Variants in CEP97 observed in about 807,000 individuals in gnomAD.
CEP97 encodes the protein centrosomal protein of 97 kDa.
CEP97 carries 43 observed loss-of-function variants against 73.1 expected under a neutral mutation model. The observed-to-expected ratio is 0.59, with a 90% CI of 0.46 to 0.76. The LOEUF is 0.76. CEP97 is among the 30% of genes least tolerant of loss of function. CEP97 has a pLI of 0.00. For missense variants in CEP97, 939 were observed against 1,014.0 expected (o/e 0.93, Z 1.00); for synonymous variants, 337 against 370.0 (o/e 0.91, Z 1.02).
In CEP97 at chr3:101,724,618, T is replaced by C. The variant is rs1168005964; in HGVS notation, c.-59T>C. 1.9e-6 allele frequency: 3 copies of C among 1,603,404 alleles called. No homozygotes were observed. The highest frequency in any genetic ancestry group is 2.6e-6 in the Non-Finnish European group (3 of 1,170,548). ...TAGTTTCCGGCTCCCTCCTTCAGATTACAAGCTCCACAGAGCCGCGGGAGG... is the reference window on the plus strand; with the variant it reads ...TAGTTTCCGGCTCCCTCCTTCAGATCACAAGCTCCACAGAGCCGCGGGAGG... On this transcript the variant is annotated 5_prime_UTR_variant, in exon 1 of 11. Transcript: ENST00000341893.
chr3:101,762,413 T>C, intron 9 of CEP97, 72 bp from the exon 10 acceptor site: 3 of 849,802 alleles, frequency 3.5e-6, no homozygotes, highest in East Asian at 2.6e-5. Flanking sequence ...TGCATGTGTT[T>C]ATGAGTTGTA....
intron 10 of CEP97, 117 bp from the exon 11 acceptor site, chr3:101,764,730 C>A: frequency 1.2e-6 from 1 of 823,890 alleles, no homozygotes; most frequent in Non-Finnish European, 1.8e-6. Context: ...CTGCAGTGAG[C>A]CATGATTGTG....
rs1398776282 is a variant in CEP97 at position 101,767,243 on chromosome 3, A to C, written c.*1692A>C. The C allele has an allele frequency of 2.0e-5, 3 of 152,232 alleles. No homozygotes were observed. Among genetic ancestry groups the C allele is most frequent in the African/African-American group, 7.2e-5 (3 of 41,458 alleles). The allele number at this position is 152,232 out of a possible 1,614,324, so 9.4% of individuals were successfully genotyped here. The stretch of plus-strand genomic sequence containing the variant: ...AAAGGAAATATTTTCTGTTTCTTAT[A>C]AATAAAAGAGTAATCTTACTTTCAG... On this transcript the variant is annotated 3_prime_UTR_variant, in exon 11 of 11. Transcript: ENST00000341893.
chr3:101,762,615 T>G, intron 10 of CEP97, 55 bp downstream of exon 10: 1 of 1,337,644 alleles, frequency 7.5e-7, no homozygotes, highest in Non-Finnish European at 1.1e-6. Flanking sequence ...GATTCTATAT[T>G]CATTGAGATA....
intron 7 of CEP97, among the ~76,000 whole-genome samples, chr3:101,756,210 C>T (rs1652376948): frequency 6.6e-6 from 1 of 151,650 alleles, no homozygotes; most frequent in African/African-American, 2.4e-5. Flanking sequence ...CAGGCATGCG[C>T]CACCACACCT....
intron 6 of CEP97, among the ~76,000 whole-genome samples, chr3:101,751,571 G>A (rs1299372670): frequency 1.3e-5 from 2 of 152,170 alleles, no homozygotes; most frequent in Admixed American, 6.5e-5. Context: ...GGTCACTAAA[G>A]ACTTGCTTTA....
chr3:101,735,106 T>C (rs954613552), intron 6 of CEP97, among the ~76,000 whole-genome samples: 1 of 152,156 alleles, frequency 6.6e-6, no homozygotes, highest in African/African-American at 2.4e-5. Flanking sequence ...AATGATATTA[T>C]ATAAGGATAG....
rs1289300447 is a variant in CEP97, at chr3:101,762,485, A to T, written c.1818A>T (p.Arg606Ser). 2 of 1,598,010 alleles carry T rather than the reference A, an allele frequency of 1.3e-6. No homozygotes were observed. Among genetic ancestry groups the T allele is most frequent in the South Asian group, 2.2e-5 (2 of 89,746 alleles). Reference protein sequence around the residue: ...HIVCLTDEIRRLRKERDEERI... With the variant: ...HIVCLTDEIRSLRKERDEERI... Reference sequence around the variant, plus strand: ...AATAATGTGTTTTGAATTATTGTAGATTACGAAAAGAAAGAGATGAAGAAC... The same window carrying T: ...AATAATGTGTTTTGAATTATTGTAGTTTACGAAAAGAAAGAGATGAAGAAC... The change falls in exon 10 of 11, where the codon AGA (arginine) becomes AGT (serine). Residue 606 changes from arginine to serine, a missense_variant and splice_region_variant. Coordinates refer to ENST00000341893, the MANE Select transcript of CEP97 (RefSeq NM_024548.4).
At chr3:101,757,250 G>A in intron 8 of CEP97, 54 bp downstream of exon 8, 1 of 1,550,094 alleles carries the variant, frequency 6.5e-7, no homozygotes, top group Non-Finnish European at 8.7e-7. Context: ...TAATTTGTCG[G>A]GTATCATAAA....
chr3:101,752,968 C>T lies in CEP97; in HGVS notation c.729-2462C>T, dbSNP rs529573711. On this transcript the variant is annotated intron_variant, in intron 6 of 10. Coordinates refer to ENST00000341893, the MANE Select transcript of CEP97 (RefSeq NM_024548.4). ...GCATTCCTTTGGAGGAGGAGAGGTGCTCTGGTTTTTAGAGTTTCCAGTTTT... is the reference window on the plus strand; with the variant it reads ...GCATTCCTTTGGAGGAGGAGAGGTGTTCTGGTTTTTAGAGTTTCCAGTTTT... Among the ~76,000 whole-genome samples, 8 of 152,306 alleles carry T rather than the reference C, an allele frequency of 5.3e-5. No individual in the cohort carries two copies. In the South Asian group the frequency reaches 1.7e-3, roughly 32 times the overall value.
At chr3:101,752,732 C>T (rs1255934886) in intron 6 of CEP97, among the ~76,000 whole-genome samples, 2 of 152,182 alleles carry the variant, frequency 1.3e-5, no homozygotes, top group Non-Finnish European at 2.9e-5. Flanking sequence ...CGAGCCTTGG[C>T]TTTCAGCTCC....
chr3:101,754,676 ATCTG>A (rs1938953991), intron 6 of CEP97, among the ~76,000 whole-genome samples: 1 of 151,972 alleles, frequency 6.6e-6, no homozygotes, highest in Admixed American at 6.6e-5. Flanking sequence ...CTCTCAATCT[ATCTG>A]TCTTTGTTCT....
intron 6 of CEP97, among the ~76,000 whole-genome samples, chr3:101,733,751 C>T (rs1276283845): frequency 2.6e-5 from 4 of 152,168 alleles, no homozygotes; most frequent in East Asian, 1.9e-4. Context: ...GGTATGGTCT[C>T]GATCTCCTGA....
chr3:101,757,056 TTTTTAGG>T lies in CEP97; in HGVS notation c.894-3_897del. 2 of 1,598,300 alleles carry T rather than the reference TTTTTAGG, an allele frequency of 1.3e-6. No individual in the cohort carries two copies. The highest frequency in any genetic ancestry group is 2.7e-5 in the African/African-American group (2 of 73,978). On this transcript the variant is annotated splice_acceptor_variant and splice_polypyrimidine_tract_variant and coding_sequence_variant and intron_variant, in exon 8 of 11. Transcript: ENST00000341893. LOFTEE classifies it high-confidence loss of function. The stretch of plus-strand genomic sequence containing the variant: ...GTTAAATTAGACCAGGTATTATTGA[TTTTTAGG>T]TTTCACCAGAGGCAGTTGATGAACC...
rs746594612 is a variant in CEP97 at position 101,731,951 on chromosome 3, G to C, written c.559G>C (p.Glu187Gln). 1.2e-5 allele frequency: 19 copies of C among 1,551,712 alleles called. No individual in the cohort carries two copies. The highest frequency in any genetic ancestry group is 1.5e-5 in the Non-Finnish European group (17 of 1,123,740). Reference sequence around the variant, plus strand: ...AGAAAATGAAATCCGAGACTTAAATGAGGTAAAATTTGAGGGTATTTTGTG... The same window carrying C: ...AGAAAATGAAATCCGAGACTTAAATCAGGTAAAATTTGAGGGTATTTTGTG... ...LAENEIRDLN[E>Q]ISFLASLTEL... Residue 187 changes from glutamate (E) to glutamine (Q), a missense_variant and splice_region_variant, in exon 5 of 11, where the codon GAG becomes CAG. Glu to Gln is a conservative substitution (Grantham distance 29). Transcript: ENST00000341893.
In CEP97 at chr3:101,765,369, C is replaced by T; in HGVS notation, c.2416C>T (p.Pro806Ser). The T allele has an allele frequency of 6.2e-7, 1 of 1,614,108 alleles. No homozygotes were observed. Among genetic ancestry groups the T allele is most frequent in the Non-Finnish European group, 8.5e-7 (1 of 1,180,026 alleles). Reference sequence around the variant, plus strand: ...TAGCAAACTTCACATTGCTTGTTTCCCAGTACAGTTAGATACATTGTCTGA... The same window carrying T: ...TAGCAAACTTCACATTGCTTGTTTCTCAGTACAGTTAGATACATTGTCTGA... ...RDSKLHIACF[P>S]VQLDTLSDGA... Residue 806 changes from proline to serine, a missense_variant, in exon 11 of 11, where the codon CCA becomes TCA. Pro to Ser is a moderately conservative substitution (Grantham distance 74, BLOSUM62 -1). Coordinates refer to ENST00000341893, the MANE Select transcript of CEP97 (RefSeq NM_024548.4).
At chr3:101,752,758 C>A (rs901849968) in intron 6 of CEP97, among the ~76,000 whole-genome samples, 2 of 152,170 alleles carry the variant, frequency 1.3e-5, no homozygotes, top group East Asian at 3.8e-4. Flanking sequence ...CTCCTTTAAG[C>A]ACTTCTCTGT....
At chr3:101,725,489 T>C (rs1009141189) in intron 1 of CEP97, among the ~76,000 whole-genome samples, 4 of 152,154 alleles carry the variant, frequency 2.6e-5, no homozygotes, top group South Asian at 2.1e-4. Context: ...TGTAAATTCT[T>C]GGGGGAAGAG....
Position 101,757,142 on chromosome 3 carries a change from C to T in CEP97, c.973C>T (p.Leu325Phe). ...TGTTCCTGTTGAAACAAGGGCATCC[C>T]TTATTCCTGAGCATTCAAGCCCTGT... ...PLVPVETRAS[L>F]IPEHSSPVQD... The change falls in exon 8 of 11, where the codon CTT becomes TTT. Residue 325 changes from leucine to phenylalanine, a missense_variant. Physicochemically the swap from Leu to Phe is conservative, Grantham distance 22. Transcript: ENST00000341893. 5.6e-6 allele frequency: 9 copies of T among 1,613,368 alleles called. No homozygotes were observed. The highest frequency in any genetic ancestry group is 7.6e-6 in the Non-Finnish European group (9 of 1,179,780).
Sources: gnomAD v4.1 joint callset for allele counts (sites outside exome capture counted in the v4.1 genomes callset) on GRCh38, gnomAD v4.1.1 for gene constraint, MANE v1.5 for transcripts, NCBI Gene and HGNC (gene_info 2026-07-23, HGNC 2026-07-21) for gene names.